Variants in PRKCA observed in about 807,000 individuals in gnomAD.
The protein encoded by PRKCA is protein kinase C alpha.
Under a neutral mutation model 87.0 loss-of-function variants are expected in PRKCA, and 27 were observed. That is an observed-to-expected ratio of 0.31 (90% CI 0.23 to 0.43). The LOEUF is 0.43. Ranked by LOEUF, PRKCA falls within the 20% of genes least tolerant of loss-of-function variation. The pLI, the probability that PRKCA is intolerant of heterozygous loss-of-function variation, is 1.00. For missense variants in PRKCA, 518 were observed against 852.3 expected (o/e 0.61, Z 4.88); for synonymous variants, 329 against 311.1 (o/e 1.06, Z -0.61).
intron 16 of PRKCA, among the ~76,000 whole-genome samples, chr17:66,801,169 T>C (rs1975890074): frequency 6.6e-6 from 1 of 152,254 alleles, no homozygotes; most frequent in Non-Finnish European, 1.5e-5. Flanking sequence ...TTTGGCTTCA[T>C]GTCTGCCCTC....
intron 2 of PRKCA, among the ~76,000 whole-genome samples, chr17:66,474,813 G>C (rs540664147): frequency 1.3e-5 from 2 of 152,266 alleles, no homozygotes; most frequent in African/African-American, 4.8e-5. Flanking sequence ...TGTGTTGCGC[G>C]TAACCTCGGT....
intron 3 of PRKCA, among the ~76,000 whole-genome samples, chr17:66,575,802 G>A (rs1969221891): frequency 6.8e-6 from 1 of 146,108 alleles, no homozygotes; most frequent in South Asian, 2.1e-4. Context: ...GATATTCTTA[G>A]TGTTAGTATT....
At chr17:66,433,053 G>A (rs558374992) in intron 2 of PRKCA, among the ~76,000 whole-genome samples, 27 of 152,260 alleles carry the variant, frequency 1.8e-4, no homozygotes, top group Admixed American at 1.7e-3. Context: ...GGGGGAAGGA[G>A]GTAGTTCAGA....
intron 16 of PRKCA, chr17:66,796,492 T>C (rs1262474489): frequency 6.4e-5 from 63 of 985,274 alleles, no homozygotes; most frequent in Non-Finnish European, 7.5e-5. Context: ...CCTCCAGGTC[T>C]TCGGTGAGCA....
chr17:66,805,105 C>G lies in PRKCA; in HGVS notation c.*1068C>G. On this transcript the variant is annotated 3_prime_UTR_variant, in exon 17 of 17. Coordinates refer to ENST00000413366, the MANE Select transcript of PRKCA (RefSeq NM_002737.3). ...CTACCGATTGATTTTCCTCCCTTCT[C>G]TAGCCCTGGATGTCCACTTAGGGAT... 1.0e-6 allele frequency: 1 copy of G among 984,264 alleles called. No homozygotes were observed. The highest frequency in any genetic ancestry group is 1.2e-6 in the Non-Finnish European group (1 of 828,856). 61.0% of individuals were successfully genotyped at this position (984,264 alleles called of 1,614,324 possible). A position where few individuals can be genotyped will look rare whatever the true frequency, so the allele number is the denominator to read the frequency against.
intron 2 of PRKCA, among the ~76,000 whole-genome samples, chr17:66,440,343 C>A (rs181893061): frequency 2.4e-4 from 36 of 152,292 alleles, no homozygotes; most frequent in Admixed American, 2.2e-3. Flanking sequence ...AACGTATAGC[C>A]AATGTTCATT....
At chr17:66,734,991 G>A (rs964324041) in intron 9 of PRKCA, among the ~76,000 whole-genome samples, 4 of 152,218 alleles carry the variant, frequency 2.6e-5, no homozygotes, top group African/African-American at 9.6e-5. Flanking sequence ...ATGTTCACTT[G>A]TAGTAAGCAA....
Position 66,804,527 on chromosome 17 carries a change from C to G in PRKCA, c.*490C>G, listed in dbSNP as rs996056217. ...GGGGGTGGGGGAGGCCTCAAAATAC[C>G]GACTGCGTCCATTCTCTGCCTCCAT... is the stretch of plus-strand genomic sequence containing the variant. On this transcript the variant is annotated 3_prime_UTR_variant, in exon 17 of 17. Transcript: ENST00000413366. 6.5e-6 allele frequency: 1 copy of G among 153,416 alleles called. No homozygotes were observed. 9.5% of individuals were successfully genotyped at this position (153,416 alleles called of 1,614,324 possible).
At chr17:66,748,670 C>T (rs1974356086) in intron 13 of PRKCA, among the ~76,000 whole-genome samples, 1 of 152,088 alleles carries the variant, frequency 6.6e-6, no homozygotes, top group Non-Finnish European at 1.5e-5. Flanking sequence ...TGAGCATCAG[C>T]AGCGCAGCAG....
intron 2 of PRKCA, among the ~76,000 whole-genome samples, chr17:66,494,119 C>G (rs1428641762): frequency 6.6e-6 from 1 of 152,226 alleles, no homozygotes; most frequent in Non-Finnish European, 1.5e-5. Flanking sequence ...CTGCCACCCT[C>G]TTCCACCTAC....
chr17:66,327,223 T>C (rs1044002116), intron 2 of PRKCA, among the ~76,000 whole-genome samples: 1 of 151,510 alleles, frequency 6.6e-6, no homozygotes, highest in Non-Finnish European at 1.5e-5. Context: ...AAAAATTAGC[T>C]GAGTGTGGTG....
Position 66,505,066 on chromosome 17 carries a change from T to G in PRKCA, c.288+8783T>G, listed in dbSNP as rs143490441. On this transcript the variant is annotated intron_variant, in intron 3 of 16. Coordinates refer to ENST00000413366, the MANE Select transcript of PRKCA (RefSeq NM_002737.3). ...CAGGAAACCTTAAAAAGAAGTTATT[T>G]CGGGGAAACACACCCAACAAAAAAA... Among the ~76,000 whole-genome samples, 100 of 152,262 alleles carry G rather than the reference T, an allele frequency of 6.6e-4. 3 individuals carry two copies. The East Asian group carries it at 0.018, about 27-fold the overall frequency.
At chr17:66,492,887 G>A (rs142441082) in intron 2 of PRKCA, among the ~76,000 whole-genome samples, 3 of 152,284 alleles carry the variant, frequency 2.0e-5, no homozygotes, top group East Asian at 1.9e-4. Flanking sequence ...TGTTTTCTTC[G>A]ATTCACACTC....
intron 2 of PRKCA, among the ~76,000 whole-genome samples, chr17:66,450,168 G>A (rs1457703436): frequency 3.3e-5 from 5 of 151,994 alleles, no homozygotes; most frequent in African/African-American, 1.2e-4. Context: ...TTTCATGCTG[G>A]GAATCATGCT....
At chr17:66,773,495 CTTTT>C (rs59316874) in intron 13 of PRKCA, among the ~76,000 whole-genome samples, 15 of 124,640 alleles carry the variant, frequency 1.2e-4, no homozygotes, top group African/African-American at 4.1e-4. Context: ...CTGGCTTTTC[CTTTT>C]TTTTTTTTTT....
At position 66,307,197 on chromosome 17, in the gene PRKCA, C is replaced by T. The variant is rs140794921; in HGVS notation, c.205+1070C>T. 2.6e-5 allele frequency among the ~76,000 whole-genome samples: 4 copies of T among 152,144 alleles called. No homozygotes were observed. The East Asian group carries it at 7.7e-4, about 29-fold the overall frequency. The stretch of plus-strand genomic sequence containing the variant: ...ATTTAATATTCTACCTTCCTTTCTC[C>T]AAGATGTGCTTAAAACCCCTACTGA... On this transcript the variant is annotated intron_variant, in intron 2 of 16. Coordinates refer to ENST00000413366, the MANE Select transcript of PRKCA (RefSeq NM_002737.3).
chr17:66,748,059 A>G (rs1208926814), intron 13 of PRKCA, among the ~76,000 whole-genome samples: 2 of 152,324 alleles, frequency 1.3e-5, no homozygotes, highest in East Asian at 3.9e-4. Context: ...CTCAGCAGTA[A>G]CAGATGGTGC....
intron 8 of PRKCA, 77 bp from the exon 9 acceptor site, chr17:66,732,611 G>T: frequency 6.3e-7 from 1 of 1,580,046 alleles, no homozygotes; most frequent in Non-Finnish European, 8.7e-7. Context: ...ATTAAACTCA[G>T]TTACAACACG....
chr17:66,540,240 A>G (rs1967935130), intron 3 of PRKCA, among the ~76,000 whole-genome samples: 1 of 152,210 alleles, frequency 6.6e-6, no homozygotes, highest in Non-Finnish European at 1.5e-5. Context: ...ATTGTTGTTC[A>G]GGCTTTCCAG....
Sources: allele counts gnomAD v4.1 joint callset (sites outside exome capture counted in the v4.1 genomes callset), GRCh38; gene constraint gnomAD v4.1.1; transcripts MANE v1.5; gene names NCBI Gene and HGNC (gene_info 2026-07-23, HGNC 2026-07-21).